The following TTN variants were observed in gnomAD, a reference collection of about 807,000 sequenced individuals.
TTN encodes titin.
TTN carries 1,525 observed loss-of-function variants against 3,223.0 expected under a neutral mutation model. The ratio of observed to expected loss-of-function variants is 0.47; its 90% CI spans 0.45 to 0.49. The LOEUF is 0.49. TTN is among the 20% of genes least tolerant of loss of function. TTN has a pLI of 0.00. For missense variants in TTN, 40,786 were observed against 43,424.0 expected (o/e 0.94, Z 5.40); for synonymous variants, 14,094 against 15,161.0 (o/e 0.93, Z 5.17).
chr2:178,775,815 C>G lies in TTN; in HGVS notation c.6049G>C (p.Glu2017Gln). The change falls in exon 28 of 363, where the codon GAG (glutamate) becomes CAG (glutamine). Residue 2017 changes from glutamate to glutamine, a missense_variant. By Grantham distance (29) the Glu-to-Gln change is conservative. Coordinates refer to ENST00000589042, the MANE Select transcript of TTN (RefSeq NM_001267550.2). Reference protein sequence around the residue: ...EGYYEAITAVELKSRKKDESY... With the variant: ...EGYYEAITAVQLKSRKKDESY... Reference sequence around the variant, plus strand: ...TCATCCTTCTTTCGAGACTTGAGCTCCACAGCGGTAATGGCTTCATAATAG... The same window carrying G: ...TCATCCTTCTTTCGAGACTTGAGCTGCACAGCGGTAATGGCTTCATAATAG... 2 of 1,613,782 alleles carry G rather than the reference C, an allele frequency of 1.2e-6. No homozygotes were observed. Among genetic ancestry groups the G allele is most frequent in the Non-Finnish European group, 1.7e-6 (2 of 1,179,902 alleles).
At position 178,707,631 on chromosome 2, in the gene TTN, C is replaced by A. The variant is rs765109515; in HGVS notation, c.28936G>T (p.Val9646Leu). ...CSFSFASGTAVLELRDVAKAD... is the reference protein window; with the variant it reads ...CSFSFASGTALLELRDVAKAD... ...TTAGCCACATCTCTGAGTTCCAGTA[C>A]AGCTGTCCCACTAGCAAAGCTGAAG... The change falls in exon 100 of 363, where the codon GTA (valine) becomes TTA (leucine). Residue 9646 changes from valine to leucine, a missense_variant. By Grantham distance (32) the Val-to-Leu change is conservative. Transcript: ENST00000589042. 11 of 1,613,884 alleles carry A rather than the reference C, an allele frequency of 6.8e-6. No homozygotes were observed. Among genetic ancestry groups the A allele is most frequent in the Non-Finnish European group, 8.5e-6 (10 of 1,179,838 alleles).
intron 47 of TTN, chr2:178,748,186 G>T: frequency 6.2e-7 from 1 of 1,613,108 alleles, no homozygotes; most frequent in Non-Finnish European, 8.5e-7. Flanking sequence ...CTGCAGATGA[G>T]GTTGGAAGTA....
intron 180 of TTN, among the ~76,000 whole-genome samples, chr2:178,659,537 C>A (rs1316233089): frequency 5.3e-5 from 8 of 149,902 alleles, no homozygotes; most frequent in African/African-American, 1.9e-4. Flanking sequence ...ATTGATGGGA[C>A]GTATCTCAAA....
chr2:178,534,004 T>C lies in TTN; in HGVS notation c.102611A>G (p.Asp34204Gly). ...GACTACTTTGCATCTGTAGGTACCA[T>C]CATCTAATTTGGTAATGTCTTTGAC... ...LYVKDITKLDDGTYRCKVVND... is the reference protein window; with the variant it reads ...LYVKDITKLDGGTYRCKVVND... Residue 34204 changes from aspartate (D) to glycine (G), a missense_variant, in exon 358 of 363, where the codon GAT becomes GGT. Physicochemically the swap from Asp to Gly is moderately conservative, Grantham distance 94. Transcript: ENST00000589042. 1 of 1,613,972 alleles carries C rather than the reference T, an allele frequency of 6.2e-7. No homozygotes were observed. The highest frequency in any genetic ancestry group is 1.3e-5 in the African/African-American group (1 of 75,054).
In TTN at chr2:178,593,429, T is replaced by G; in HGVS notation, c.58779A>C (p.Lys19593Asn). Residue 19593 changes from lysine (K) to asparagine (N), a missense_variant, in exon 299 of 363, where the codon AAA (lysine) becomes AAC (asparagine). Lys to Asn is a moderately conservative substitution (Grantham distance 94). Transcript: ENST00000589042. Reference protein sequence around the residue: ...PDQPIVTEVTKDSALVTWNKP... With the variant: ...PDQPIVTEVTNDSALVTWNKP... ...TATTCCAGGTTACTAATGCAGAGTC[T>G]TTGGTAACTTCTGTAACAATTGGCT... 6.2e-7 allele frequency: 1 copy of G among 1,613,212 alleles called. No homozygotes were observed. The highest frequency in any genetic ancestry group is 8.5e-7 in the Non-Finnish European group (1 of 1,179,572).
intron 210 of TTN, 85 bp downstream of exon 210, chr2:178,650,079 G>A: frequency 7.5e-7 from 1 of 1,329,866 alleles, no homozygotes; most frequent in Non-Finnish European, 1.0e-6. Flanking sequence ...CAAGATACAA[G>A]ACTGATATTT....
chr2:178,746,912 C>A, intron 47 of TTN: 1 of 1,613,420 alleles, frequency 6.2e-7, no homozygotes, highest in East Asian at 2.2e-5. Context: ...TGAATCGGAA[C>A]GCCATATTTC....
chr2:178,719,865 A>C, intron 81 of TTN, 33 bp from the exon 82 acceptor site: 3 of 1,578,140 alleles, frequency 1.9e-6, no homozygotes, highest in Non-Finnish European at 2.6e-6. Context: ...TTGAAAACAA[A>C]GTAACCTTTC....
intron 47 of TTN, chr2:178,748,228 A>G (rs2084246742): frequency 6.2e-7 from 1 of 1,613,028 alleles, no homozygotes. Flanking sequence ...TTTCTTCAGA[A>G]AAGGATTTAA....
chr2:178,687,914 A>G (rs537659903), intron 127 of TTN, among the ~76,000 whole-genome samples, 197 bp downstream of exon 127: 1 of 152,278 alleles, frequency 6.6e-6, no homozygotes, highest in East Asian at 1.9e-4. Flanking sequence ...CAGAAGAAAT[A>G]CACTGGATTT....
chr2:178,716,968 C>A, intron 88 of TTN, 127 bp downstream of exon 88: 1 of 1,037,168 alleles, frequency 9.6e-7, no homozygotes, highest in Non-Finnish European at 1.3e-6. Flanking sequence ...GTCCTTGATC[C>A]ACTTGATCCA....
chr2:178,793,288 A>G (rs1219661036), intron 9 of TTN, 116 bp downstream of exon 9: 2 of 1,432,826 alleles, frequency 1.4e-6, no homozygotes, highest in Non-Finnish European at 1.9e-6. Context: ...AGGGGATCTT[A>G]TTAGTATGCT....
intron 46 of TTN, 130 bp from the exon 47 acceptor site, chr2:178,753,310 C>G: frequency 1.5e-6 from 1 of 675,934 alleles, no homozygotes; most frequent in Non-Finnish European, 2.5e-6. Context: ...CCAAATTTAC[C>G]AAAAAGTCCA....
intron 149 of TTN, among the ~76,000 whole-genome samples, 169 bp downstream of exon 149, chr2:178,675,502 A>G (rs1039057679): frequency 6.6e-6 from 1 of 151,878 alleles, no homozygotes; most frequent in African/African-American, 2.4e-5. Context: ...GCACACCAAC[A>G]CCAAGTGAAA....
In TTN at chr2:178,625,382, T is replaced by C; in HGVS notation, c.44439A>G (p.Ser14813=). The change falls in exon 241 of 363, where the codon TCA becomes TCG. Residue 14813 remains serine, a synonymous_variant. Coordinates refer to ENST00000589042, the MANE Select transcript of TTN (RefSeq NM_001267550.2). Reference sequence around the variant, plus strand: ...GAGTAAGTGTATGAACTTTTCCTTCTGAACGTGGGACCACCTAGTTGTTTT... The same window carrying C: ...GAGTAAGTGTATGAACTTTTCCTTCCGAACGTGGGACCACCTAGTTGTTTT... ...LEPSDKVVPR[S]EGKVHTLTLR... The C allele has an allele frequency of 6.3e-7, 1 of 1,579,268 alleles. No homozygotes were observed.
chr2:178,650,979 C>G, intron 208 of TTN, 145 bp from the exon 209 acceptor site: 1 of 913,100 alleles, frequency 1.1e-6, no homozygotes, highest in South Asian at 1.6e-5. Context: ...TGTCTTTGGA[C>G]CCTCATATAG....
chr2:178,732,815 T>C lies in TTN; in HGVS notation c.16342+19A>G, dbSNP rs995083938. 2 of 1,593,616 alleles carry C rather than the reference T, an allele frequency of 1.3e-6. No homozygotes were observed. The highest frequency in any genetic ancestry group is 1.7e-5 in the Admixed American group (1 of 57,844). ...AACATAATCTTTAATAAGGATAAAA[T>C]GCAAAGTCTCCAGCCAACCTTGCAC... On this transcript the variant is annotated intron_variant, in intron 55 of 362. Coordinates refer to ENST00000589042, the MANE Select transcript of TTN (RefSeq NM_001267550.2).
Position 178,667,329 on chromosome 2 carries a change from T to C in TTN, c.35714-10A>G. 6.3e-7 allele frequency: 1 copy of C among 1,592,378 alleles called. No individual in the cohort carries two copies. Among genetic ancestry groups the C allele is most frequent in the Non-Finnish European group, 8.6e-7 (1 of 1,168,652 alleles). Reference sequence around the variant, plus strand: ...CTGGTTGTATCAGGTTCTTTAAAGATATTAGTAGGTTTACATTTAAAAGTT... The same window carrying C: ...CTGGTTGTATCAGGTTCTTTAAAGACATTAGTAGGTTTACATTTAAAAGTT... On this transcript the variant is annotated splice_polypyrimidine_tract_variant and intron_variant, in intron 161 of 362. Transcript: ENST00000589042.
intron 20 of TTN, among the ~76,000 whole-genome samples, chr2:178,781,931 G>GTGT (rs1561353037): frequency 8.1e-6 from 1 of 123,276 alleles, no homozygotes; most frequent in Non-Finnish European, 1.7e-5. Context: ...TGTGTGTGTG[G>GTGT]GTGTGTTTGT....
Sources: gnomAD v4.1 joint callset for allele counts (sites outside exome capture counted in the v4.1 genomes callset) on GRCh38, gnomAD v4.1.1 for gene constraint, MANE v1.5 for transcripts, NCBI Gene and HGNC (gene_info 2026-07-23, HGNC 2026-07-21) for gene names.